INSL6: variants seen among roughly 807,000 people sequenced by gnomAD.
INSL6 encodes the protein insulin like 6.
In INSL6, 16 loss-of-function variants were observed where a neutral mutation model predicts 9.4. The ratio of observed to expected loss-of-function variants is 1.70; its 90% CI spans 1.15 to 2.59. INSL6 has a LOEUF of 2.59. INSL6 is among the 30% of genes most tolerant of loss of function. The pLI, the probability that INSL6 is intolerant of heterozygous loss-of-function variation, is 0.00. For synonymous variants in INSL6, 154 were observed against 96.9 expected (o/e 1.59, Z -3.46); for missense variants, 391 against 257.3 (o/e 1.52, Z -3.56).
chr9:5,080,248 A>T, the INSL6 span: 4 of 1,612,740 alleles, frequency 2.5e-6, no homozygotes. Context: ...AGAGAATACC[A>T]TGGGTACCAC....
chr9:5,130,548 T>A (rs969487190), intron 3 of INSL6, among the ~76,000 whole-genome samples: 3 of 152,152 alleles, frequency 2.0e-5, no homozygotes, highest in Admixed American at 6.5e-5. Flanking sequence ...TGTTACCAGT[T>A]ATTTATTTTC....
At chr9:5,123,222 T>C (rs934236740), downstream of INSL6, 6 of 698,992 alleles carry the variant, frequency 8.6e-6, no homozygotes, top group South Asian at 3.9e-5. Context: ...ATACATTGCA[T>C]AGTGGTGAAG....
chr9:5,159,379 G>A (rs1421522695), downstream of INSL6, among the ~76,000 whole-genome samples: 1 of 151,068 alleles, frequency 6.6e-6, no homozygotes, highest in Non-Finnish European at 1.5e-5. Flanking sequence ...TTTAAAAAAA[G>A]GATCGAACAA....
the INSL6 span, chr9:5,085,466 G>A: frequency 4.1e-6 from 3 of 729,208 alleles, no homozygotes; most frequent in Admixed American, 5.3e-5. Context: ...TCAAGGTATT[G>A]TGCAAATCTC....
intron 2 of INSL6, among the ~76,000 whole-genome samples, chr9:5,150,778 C>A (rs891077406): frequency 1.3e-5 from 2 of 151,616 alleles, no homozygotes; most frequent in African/African-American, 4.9e-5. Context: ...GTTTAAAGGA[C>A]CACTCTTCAC....
the INSL6 span, among the ~76,000 whole-genome samples, chr9:5,101,168 A>T: frequency 6.6e-6 from 1 of 152,232 alleles, no homozygotes; most frequent in Non-Finnish European, 1.5e-5. Context: ...AAATCAGGAC[A>T]CTTTTGCCCA....
At chr9:5,069,295 G>C in the INSL6 span, 3 of 817,756 alleles carry the variant, frequency 3.7e-6, no homozygotes, top group South Asian at 6.1e-5. Flanking sequence ...GATTTCAAAG[G>C]ATATATGAAA....
At chr9:5,025,062 A>G in the INSL6 span, among the ~76,000 whole-genome samples, 3 of 152,150 alleles carry the variant, frequency 2.0e-5, no homozygotes, top group Non-Finnish European at 4.4e-5. Flanking sequence ...TTCTTGATTC[A>G]GCATTTATCT....
At chr9:5,151,690 A>G (rs746555138) in intron 2 of INSL6, among the ~76,000 whole-genome samples, 33 of 152,200 alleles carry the variant, frequency 2.2e-4, no homozygotes, top group Non-Finnish European at 4.4e-4. Context: ...ACAAAATGTA[A>G]TTATAAAAAA....
the INSL6 span, among the ~76,000 whole-genome samples, chr9:5,104,604 C>CA: frequency 6.6e-6 from 1 of 151,988 alleles, no homozygotes; most frequent in African/African-American, 2.4e-5. Flanking sequence ...AGAGACACCA[C>CA]AAAAAAATAA....
intron 1 of INSL6, among the ~76,000 whole-genome samples, chr9:5,183,651 T>C (rs565120330): frequency 6.6e-6 from 1 of 152,108 alleles, no homozygotes; most frequent in Non-Finnish European, 1.5e-5. Context: ...GACTACAGTA[T>C]TATAGCATAG....
chr9:5,176,381 C>T (rs1825309486), intron 1 of INSL6, among the ~76,000 whole-genome samples: 1 of 152,166 alleles, frequency 6.6e-6, no homozygotes, highest in Non-Finnish European at 1.5e-5. Context: ...GCTCTTACTA[C>T]TTTCAAATAT....
chr9:5,085,313 C>T, the INSL6 span: 1 of 750,336 alleles, frequency 1.3e-6, no homozygotes, highest in Non-Finnish European at 2.5e-6. Flanking sequence ...AAGTCGAATA[C>T]ATCATCTATT....
intron 2 of INSL6, among the ~76,000 whole-genome samples, chr9:5,134,693 A>G (rs773159109): frequency 7.2e-5 from 11 of 152,224 alleles, no homozygotes; most frequent in Non-Finnish European, 1.5e-4. Flanking sequence ...AGGAAGCACT[A>G]AACATGGAAG....
At chr9:5,093,967 C>T in the INSL6 span, among the ~76,000 whole-genome samples, 5 of 152,124 alleles carry the variant, frequency 3.3e-5, no homozygotes, top group Non-Finnish European at 7.4e-5. Context: ...TGCCCTCCCC[C>T]CATAAATGAT....
At chr9:5,122,231 A>G (rs910510782), downstream of INSL6, among the ~76,000 whole-genome samples, 2 of 152,132 alleles carry the variant, frequency 1.3e-5, no homozygotes, top group Admixed American at 1.3e-4. Context: ...TAATAAAGAT[A>G]AACTTAGCAA....
Position 5,164,246 on chromosome 9 carries a change from T to C in INSL6, c.309A>G (p.Glu103=). ...ACTGCATTTCCCAACTGTTTACTGC[T>C]TCTTCCCAAGAAGTAGACACTGTTG... The part of the protein sequence containing the change: ...GTNPVSTSWE[E]AVNSWEMQSL... Residue 103 remains glutamate, a synonymous_variant, in exon 2 of 2, where the codon GAA becomes GAG. Coordinates refer to ENST00000381641, the MANE Select transcript of INSL6 (RefSeq NM_007179.3). The C allele has an allele frequency of 1.9e-6, 3 of 1,605,584 alleles. No homozygotes were observed. The highest frequency in any genetic ancestry group is 2.5e-6 in the Non-Finnish European group (3 of 1,176,574).
In INSL6 at chr9:5,164,147, A is replaced by C; in HGVS notation, c.408T>G (p.Asn136Lys). Residue 136 changes from asparagine to lysine, a missense_variant, in exon 2 of 2, where the codon AAT becomes AAG. Asn to Lys is a moderately conservative substitution (Grantham distance 94). Transcript: ENST00000381641. ...CATTCTCATGAATATATACATTGAT[A>C]TTATGTGATGAAGAAAATTCTCTTG... Reference protein sequence around the residue: ...GKTREFSSSHNINVYIHENAK... With the variant: ...GKTREFSSSHKINVYIHENAK... The C allele has an allele frequency of 2.5e-6, 4 of 1,608,614 alleles. No homozygotes were observed. Among genetic ancestry groups the C allele is most frequent in the Non-Finnish European group, 3.4e-6 (4 of 1,177,446 alleles).
the INSL6 span, among the ~76,000 whole-genome samples, chr9:5,021,407 G>C: frequency 6.6e-6 from 1 of 152,064 alleles, no homozygotes; most frequent in Admixed American, 6.6e-5. Context: ...TTCATGTTAG[G>C]ATTTTATATC....
Sources: gnomAD v4.1 joint callset for allele counts (sites outside exome capture counted in the v4.1 genomes callset) on GRCh38, gnomAD v4.1.1 for gene constraint, MANE v1.5 for transcripts, NCBI Gene and HGNC (gene_info 2026-07-23, HGNC 2026-07-21) for gene names.